The following GRK3 variants were observed in gnomAD, a reference collection of about 807,000 sequenced individuals.
GRK3 encodes the protein G protein-coupled receptor kinase 3.
GRK3 carries 54 observed loss-of-function variants against 95.7 expected under a neutral mutation model. The ratio of observed to expected loss-of-function variants is 0.56; its 90% CI spans 0.45 to 0.71. GRK3 has a LOEUF of 0.71. Among genes scored for constraint, GRK3 ranks in the 30% least tolerant of loss-of-function variants. GRK3 has a pLI of 0.00. For missense variants in GRK3, 649 were observed against 851.2 expected (o/e 0.76, Z 2.96); for synonymous variants, 281 against 290.8 (o/e 0.97, Z 0.34).
chr22:25,665,174 G>A (rs2084933869), intron 5 of GRK3, among the ~76,000 whole-genome samples: 2 of 152,190 alleles, frequency 1.3e-5, no homozygotes, highest in Non-Finnish European at 2.9e-5. Context: ...GGTGCACACG[G>A]GTTGCTTTGT....
rs775599554 is a variant in GRK3 at position 25,721,425 on chromosome 22, T to C, written c.1905+28T>C. 4.0e-6 allele frequency: 5 copies of C among 1,264,422 alleles called. No homozygotes were observed. The South Asian group carries it at 6.4e-5, about 16-fold the overall frequency. The allele number at this position is 1,264,422 out of a possible 1,614,324, so 78.3% of individuals were successfully genotyped here. On this transcript the variant is annotated intron_variant, in intron 20 of 20. Transcript: ENST00000324198. Reference sequence around the variant, plus strand: ...GAGTTTTTATTTTTTCTTAGGTGAATGTTAGAATAATTAAATATTCAGCAA... The same window carrying C: ...GAGTTTTTATTTTTTCTTAGGTGAACGTTAGAATAATTAAATATTCAGCAA...
At chr22:25,690,414 G>A (rs760052980) in intron 12 of GRK3, 131 bp downstream of exon 12, 19 of 670,830 alleles carry the variant, frequency 2.8e-5, no homozygotes, top group African/African-American at 3.6e-5. Context: ...ATCACAGGTC[G>A]TGGGAAAGGA....
intron 18 of GRK3, among the ~76,000 whole-genome samples, chr22:25,714,793 T>G (rs2146468796): frequency 6.6e-6 from 1 of 152,262 alleles, no homozygotes; most frequent in South Asian, 2.1e-4. Context: ...CCGGGTTTCT[T>G]TAGTATGCCC....
At chr22:25,610,031 TA>T (rs1173265641) in intron 2 of GRK3, among the ~76,000 whole-genome samples, 4 of 151,440 alleles carry the variant, frequency 2.6e-5, no homozygotes, top group Admixed American at 6.6e-5. Context: ...TATTTTTTTT[TA>T]AGGAGACACA....
chr22:25,683,155 A>G (rs1420366962), intron 9 of GRK3, among the ~76,000 whole-genome samples: 1 of 152,280 alleles, frequency 6.6e-6, no homozygotes, highest in Non-Finnish European at 1.5e-5. Flanking sequence ...GACAGAGATT[A>G]TATGCGGCCT....
At chr22:25,598,245 C>A (rs1429464574) in intron 1 of GRK3, among the ~76,000 whole-genome samples, 2 of 151,568 alleles carry the variant, frequency 1.3e-5, no homozygotes, top group Non-Finnish European at 2.9e-5. Flanking sequence ...CCTAGAGCAA[C>A]CCCTAAGGAA....
At chr22:25,721,143 C>T in intron 19 of GRK3, 141 bp from the exon 20 acceptor site, 1 of 473,478 alleles carries the variant, frequency 2.1e-6, no homozygotes, top group Non-Finnish European at 3.8e-6. Flanking sequence ...AGCCATTTTC[C>T]CCTTACTTCT....
rs1045536939 is a variant in GRK3, at chr22:25,725,764, G to A, written c.*3314G>A. On this transcript the variant is annotated 3_prime_UTR_variant, in exon 21 of 21. Transcript: ENST00000324198. ...GATTGAGACCATCCTGGTTAGCAGA[G>A]TGAAACCCCGTCTCTACTAAAAATA... The A allele has an allele frequency of 1.5e-5, 6 of 395,312 alleles. No individual in the cohort carries two copies. The highest frequency in any genetic ancestry group is 8.8e-5 in the Admixed American group (2 of 22,624). The allele number at this position is 395,312 out of a possible 1,614,324, so 24.5% of individuals were successfully genotyped here.
chr22:25,659,753 T>C (rs1379293289), intron 3 of GRK3, among the ~76,000 whole-genome samples: 1 of 152,182 alleles, frequency 6.6e-6, no homozygotes, highest in African/African-American at 2.4e-5. Flanking sequence ...TGCTTTAGGC[T>C]CTTATTTTGC....
intron 3 of GRK3, among the ~76,000 whole-genome samples, chr22:25,647,003 C>T (rs1424518032): frequency 2.5e-5 from 3 of 121,950 alleles, no homozygotes; most frequent in African/African-American, 3.4e-5. Flanking sequence ...CCTGGGTGAC[C>T]GAGGGAGACT....
At chr22:25,647,012 CTT>C (rs1260739887) in intron 3 of GRK3, among the ~76,000 whole-genome samples, 4 of 96,554 alleles carry the variant, frequency 4.1e-5, no homozygotes, top group Non-Finnish European at 7.3e-5. Flanking sequence ...CCGAGGGAGA[CTT>C]TGTCTCAAAA....
intron 15 of GRK3, among the ~76,000 whole-genome samples, chr22:25,707,569 G>A (rs1297856344): frequency 6.6e-6 from 1 of 152,154 alleles, no homozygotes; most frequent in African/African-American, 2.4e-5. Flanking sequence ...TACCTGTGTG[G>A]AGGACGAGGT....
At chr22:25,570,110 G>C (rs746373525) in intron 1 of GRK3, among the ~76,000 whole-genome samples, 3 of 152,252 alleles carry the variant, frequency 2.0e-5, no homozygotes, top group Admixed American at 6.5e-5. Context: ...ATCCTTTTTC[G>C]TACTCTCCCG....
In GRK3 at chr22:25,665,560, T is replaced by C. The variant is rs1019087206; in HGVS notation, c.441+1856T>C. Among the ~76,000 whole-genome samples the C allele has an allele frequency of 2.0e-5, 3 of 151,944 alleles. No individual in the cohort carries two copies. The South Asian group carries it at 6.3e-4, about 32-fold the overall frequency. Reference sequence around the variant, plus strand: ...TTTAAAAAACACTTTATTGATTTGTTTTGTTCATTAAAAAAATAGTCAAAA... The same window carrying C: ...TTTAAAAAACACTTTATTGATTTGTCTTGTTCATTAAAAAAATAGTCAAAA... On this transcript the variant is annotated intron_variant, in intron 5 of 20. Transcript: ENST00000324198.
chr22:25,705,556 ACTTAG>A, intron 15 of GRK3, among the ~76,000 whole-genome samples: 1 of 152,324 alleles, frequency 6.6e-6, no homozygotes, highest in South Asian at 2.1e-4. Context: ...CAAGGCTTTT[ACTTAG>A]CCTGGTAATA....
chr22:25,728,088 C>T lies in GRK3; in HGVS notation c.*5638C>T, dbSNP rs922546312. The T allele has an allele frequency of 3.3e-5, 5 of 152,276 alleles. No homozygotes were observed. Among genetic ancestry groups the T allele is most frequent in the African/African-American group, 1.2e-4 (5 of 41,540 alleles). The allele number at this position is 152,276 out of a possible 1,614,324, so 9.4% of individuals were successfully genotyped here. On this transcript the variant is annotated 3_prime_UTR_variant, in exon 21 of 21. Transcript: ENST00000324198. ...AAAAACATTCCATATTATTTCTGCT[C>T]CTTTTTATTTGTATAGTTTGTTATT...
At chr22:25,683,415 C>A (rs2146428696) in intron 9 of GRK3, among the ~76,000 whole-genome samples, 1 of 152,320 alleles carries the variant, frequency 6.6e-6, no homozygotes. Context: ...TGTCAGAAAG[C>A]TTGCAAGTGA....
intron 2 of GRK3, among the ~76,000 whole-genome samples, chr22:25,610,411 GA>G (rs2084487712): frequency 6.6e-6 from 1 of 152,160 alleles, no homozygotes; most frequent in Non-Finnish European, 1.5e-5. Context: ...AGGCCTTAGT[GA>G]GTCGTGATCG....
intron 10 of GRK3, among the ~76,000 whole-genome samples, chr22:25,686,900 A>G (rs1466864843): frequency 6.6e-6 from 1 of 152,184 alleles, no homozygotes; most frequent in Admixed American, 6.5e-5. Flanking sequence ...GCTCACTGCA[A>G]TCTCCACCTT....
Sources: allele counts gnomAD v4.1 joint callset (sites outside exome capture counted in the v4.1 genomes callset), GRCh38; gene constraint gnomAD v4.1.1; transcripts MANE v1.5; gene names NCBI Gene and HGNC (gene_info 2026-07-23, HGNC 2026-07-21).